Variants in CHODL observed in about 807,000 individuals in gnomAD.
CHODL encodes the protein transmembrane protein MT75.
A neutral mutation model predicts 34.5 loss-of-function variants in CHODL; 29 were observed. That is an observed-to-expected ratio of 0.84 (90% CI 0.63 to 1.15). The LOEUF (loss-of-function observed/expected upper bound fraction) is 1.15. CHODL is among the 50% of genes most tolerant of loss of function. The probability of loss-of-function intolerance (pLI) is 0.00; values close to 1 mark genes in which losing one functional copy is unlikely to be tolerated. For missense variants in CHODL, 332 were observed against 332.5 expected (o/e 1.00, Z 0.01); for synonymous variants, 125 against 116.1 (o/e 1.08, Z -0.49).
chr21:17,946,191 G>A (rs1347849023), intron 1 of CHODL, among the ~76,000 whole-genome samples: 1 of 152,208 alleles, frequency 6.6e-6, no homozygotes, highest in Non-Finnish European at 1.5e-5. Context: ...GCCAAGGCGG[G>A]CGGATCACGA....
intron 1 of CHODL, among the ~76,000 whole-genome samples, chr21:17,952,715 A>G: frequency 6.6e-6 from 1 of 152,294 alleles, no homozygotes; most frequent in Middle Eastern, 3.4e-3. Context: ...CTTATTTTCT[A>G]TTTAAGAAAA....
intron 2 of CHODL, among the ~76,000 whole-genome samples, chr21:18,184,317 C>G (rs917469027): frequency 6.6e-6 from 1 of 151,900 alleles, no homozygotes; most frequent in Non-Finnish European, 1.5e-5. Context: ...AAATATTGAC[C>G]TTATGTTTTG....
In CHODL at chr21:18,120,040, C is replaced by T. The variant is rs181301878; in HGVS notation, c.-45+92069C>T. ...AATTTGTATCTTGGGATGGTGGTTG[C>T]AAGTCCTTGTGACTAGGCGAAAAAT... On this transcript the variant is annotated intron_variant, in intron 2 of 6. Coordinates refer to the CHODL transcript ENST00000400127. Among the ~76,000 whole-genome samples, 367 of 152,258 alleles carry T rather than the reference C, an allele frequency of 2.4e-3. 2 individuals are homozygous for T. The highest frequency in any genetic ancestry group is 6.4e-3 in the African/African-American group (265 of 41,550).
chr21:18,096,928 TTC>T (rs1432467368), intron 2 of CHODL, among the ~76,000 whole-genome samples: 5 of 152,110 alleles, frequency 3.3e-5, no homozygotes, highest in African/African-American at 1.2e-4. Context: ...GCTATAAAAT[TTC>T]TCTGTTTGTG....
chr21:18,158,743 CA>C (rs2073061857), intron 2 of CHODL, among the ~76,000 whole-genome samples: 1 of 149,790 alleles, frequency 6.7e-6, no homozygotes, highest in Non-Finnish European at 1.5e-5. Flanking sequence ...GAGGCTGAGG[CA>C]GGAAAATCGC....
chr21:18,216,809 G>A (rs1476880302), intron 2 of CHODL, among the ~76,000 whole-genome samples: 1 of 152,112 alleles, frequency 6.6e-6, no homozygotes, highest in East Asian at 1.9e-4. Context: ...GGAAGTCCCA[G>A]ACACTTATCA....
At chr21:18,166,781 A>T (rs2073158293) in intron 2 of CHODL, among the ~76,000 whole-genome samples, 1 of 152,176 alleles carries the variant, frequency 6.6e-6, no homozygotes, top group Admixed American at 6.5e-5. Flanking sequence ...AGTTTAAATC[A>T]TAATTTGTGG....
intron 2 of CHODL, among the ~76,000 whole-genome samples, chr21:18,126,777 A>T (rs1419305583): frequency 6.6e-6 from 1 of 152,238 alleles, no homozygotes; most frequent in Non-Finnish European, 1.5e-5. Flanking sequence ...TACAGATATT[A>T]ATGCAAATCA....
chr21:18,186,763 T>A (rs2146684719), intron 2 of CHODL, among the ~76,000 whole-genome samples: 1 of 152,332 alleles, frequency 6.6e-6, no homozygotes, highest in Non-Finnish European at 1.5e-5. Context: ...TAGGTTAGAA[T>A]CTTAATCTCC....
At chr21:18,220,644 T>C (rs1321234303) in intron 2 of CHODL, among the ~76,000 whole-genome samples, 4 of 152,106 alleles carry the variant, frequency 2.6e-5, no homozygotes, top group Non-Finnish European at 4.4e-5. Flanking sequence ...ACTTTATTTC[T>C]CTTTCATTTT....
intron 1 of CHODL, among the ~76,000 whole-genome samples, chr21:17,986,233 G>T (rs1402613532): frequency 2.0e-5 from 3 of 151,744 alleles, no homozygotes; most frequent in African/African-American, 7.3e-5. Flanking sequence ...TGTTACATAG[G>T]TATACACATG....
intron 1 of CHODL, among the ~76,000 whole-genome samples, chr21:18,250,998 ATATT>A (rs1446300176): frequency 6.6e-6 from 1 of 151,624 alleles, no homozygotes; most frequent in African/African-American, 2.4e-5. Flanking sequence ...ATATTAGAAA[ATATT>A]TATTATTTTC....
chr21:18,239,285 A>C (rs1568950129), intron 2 of CHODL, among the ~76,000 whole-genome samples: 2 of 152,056 alleles, frequency 1.3e-5, no homozygotes. Flanking sequence ...AGTATTCCTT[A>C]TTATTTCCAA....
In CHODL at chr21:17,932,588, A is replaced by T. The variant is rs1035481454; in HGVS notation, c.-145+15188A>T. Among the ~76,000 whole-genome samples the T allele has an allele frequency of 1.2e-3, 99 of 80,906 alleles. 1 individual carries two copies. The highest frequency in any genetic ancestry group is 1.6e-3 in the Non-Finnish European group (67 of 41,572). The allele number at this position is 80,906 out of a possible 152,430, so 53.1% of individuals were successfully genotyped here. Reference sequence around the variant, plus strand: ...CCATCAATGAATGATTGGATAAAGAAAACGTGGTATATATACTCCCGTGAA... The same window carrying T: ...CCATCAATGAATGATTGGATAAAGATAACGTGGTATATATACTCCCGTGAA... On this transcript the variant is annotated intron_variant, in intron 1 of 6. Coordinates refer to the CHODL transcript ENST00000400127.
At chr21:18,214,507 A>G (rs924188896) in intron 2 of CHODL, among the ~76,000 whole-genome samples, 2 of 152,144 alleles carry the variant, frequency 1.3e-5, no homozygotes, top group African/African-American at 4.8e-5. Flanking sequence ...TACACATATT[A>G]TAAGCCTGGT....
intron 1 of CHODL, among the ~76,000 whole-genome samples, chr21:18,020,912 C>G (rs1235926416): frequency 6.6e-6 from 1 of 152,092 alleles, no homozygotes; most frequent in Non-Finnish European, 1.5e-5. Context: ...CAAGACCAGC[C>G]TGGCAAGATA....
At chr21:18,203,910 TTCTTA>T (rs1214740855) in intron 2 of CHODL, among the ~76,000 whole-genome samples, 2 of 152,142 alleles carry the variant, frequency 1.3e-5, no homozygotes, top group African/African-American at 4.8e-5. Context: ...GTGGACTCCA[TTCTTA>T]TCTTAAGTGA....
intron 2 of CHODL, among the ~76,000 whole-genome samples, chr21:18,208,644 C>T (rs1470628742): frequency 1.3e-5 from 2 of 152,036 alleles, no homozygotes; most frequent in Non-Finnish European, 2.9e-5. Flanking sequence ...GAAGGCTTTC[C>T]AGGCATTCAA....
chr21:17,994,292 C>T (rs549823341), intron 1 of CHODL, among the ~76,000 whole-genome samples: 6 of 152,146 alleles, frequency 3.9e-5, no homozygotes, highest in Non-Finnish European at 5.9e-5. Context: ...GTGGTGACAG[C>T]GATGGGCTGG....
Sources: allele counts gnomAD v4.1 joint callset (sites outside exome capture counted in the v4.1 genomes callset), GRCh38; gene constraint gnomAD v4.1.1; transcripts MANE v1.5; gene names NCBI Gene and HGNC (gene_info 2026-07-23, HGNC 2026-07-21).